The following CSMD1 variants were observed in gnomAD, a reference collection of about 807,000 sequenced individuals.
The protein encoded by CSMD1 is CUB and Sushi multiple domains 1.
In CSMD1, 213 loss-of-function variants were observed where a neutral mutation model predicts 417.5. The observed-to-expected ratio is 0.51, with a 90% CI of 0.46 to 0.57. The LOEUF (loss-of-function observed/expected upper bound fraction) is 0.57, where lower values mean the gene tolerates loss of function less well. Among genes scored for constraint, CSMD1 ranks in the 20% least tolerant of loss-of-function variants. The probability of loss-of-function intolerance (pLI) is 0.00; values close to 1 mark genes in which losing one functional copy is unlikely to be tolerated. For missense variants in CSMD1, 6,923 were observed against 4,529.7 expected, an observed-to-expected ratio of 1.53 and a Z score of -15.17; for synonymous variants, 2,862 against 1,736.8, an observed-to-expected ratio of 1.65 and a Z score of -16.11.
chr8:4,572,329 C>T (rs1042026020), intron 2 of CSMD1, among the ~76,000 whole-genome samples: 21 of 152,290 alleles, frequency 1.4e-4, no homozygotes, highest in South Asian at 4.1e-4. Context: ...CAAAATCCCC[C>T]AGAATTTGCT....
At chr8:3,532,875 G>C (rs1227880562) in intron 10 of CSMD1, among the ~76,000 whole-genome samples, 1 of 152,040 alleles carries the variant, frequency 6.6e-6, no homozygotes, top group Non-Finnish European at 1.5e-5. Context: ...TTCACACTGA[G>C]ATCTATTTTT....
intron 24 of CSMD1, 51 bp from the exon 25 acceptor site, chr8:3,307,872 T>TTCTATTTA: frequency 6.3e-7 from 1 of 1,583,242 alleles, no homozygotes. Context: ...CATCACATGT[T>TTCTATTTA]TCTATTTAGC....
chr8:4,375,373 T>C lies in CSMD1; in HGVS notation c.415+44580A>G, dbSNP rs78395945. ...ATTCACCATCCACACAGGGGCACTTTTGAGAGGAAAACAGGGCATTATATT... is the reference window on the plus strand; with the variant it reads ...ATTCACCATCCACACAGGGGCACTTCTGAGAGGAAAACAGGGCATTATATT... On this transcript the variant is annotated intron_variant, in intron 3 of 69. Transcript: ENST00000635120. Among the ~76,000 whole-genome samples, 1,242 of 152,196 alleles carry C rather than the reference T, an allele frequency of 8.2e-3. 14 individuals are homozygous for C. The highest frequency in any genetic ancestry group is 0.029 in the African/African-American group (1,185 of 41,522).
At chr8:3,504,286 C>T (rs755251358) in intron 10 of CSMD1, among the ~76,000 whole-genome samples, 1 of 152,054 alleles carries the variant, frequency 6.6e-6, no homozygotes, top group Non-Finnish European at 1.5e-5. Flanking sequence ...AGTACAATCA[C>T]ACTGACAAAA....
rs1801381856 is a variant in CSMD1 at position 3,709,624 on chromosome 8, GC to G, written c.932-1134del. ...CCCAAATAGAACAAAAGGCTGATCT[GC>G]CCCAGTAGAGGCAAGACTTCCTCCT... On this transcript the variant is annotated intron_variant, in intron 6 of 69. Transcript: ENST00000635120. Among the ~76,000 whole-genome samples the G allele has an allele frequency of 3.4e-5, 5 of 145,266 alleles. No homozygotes were observed. The South Asian group carries it at 1.1e-3, about 32-fold the overall frequency.
At chr8:4,364,570 A>G (rs1584960971) in intron 3 of CSMD1, among the ~76,000 whole-genome samples, 1 of 17,214 alleles carries the variant, frequency 5.8e-5, no homozygotes, top group Non-Finnish European at 9.4e-5. Flanking sequence ...CACGCCTGTA[A>G]TCCCAGCACT....
At chr8:3,878,164 G>A (rs772587691) in intron 5 of CSMD1, among the ~76,000 whole-genome samples, 3 of 151,996 alleles carry the variant, frequency 2.0e-5, no homozygotes, top group Admixed American at 6.6e-5. Context: ...TTTTGCACGA[G>A]AGATTCAAAT....
At chr8:3,666,631 G>A (rs888172627) in intron 7 of CSMD1, among the ~76,000 whole-genome samples, 9 of 152,160 alleles carry the variant, frequency 5.9e-5, no homozygotes, top group Non-Finnish European at 1.2e-4. Context: ...CCCAGAGGGA[G>A]ATAATTGAAT....
chr8:3,298,508 C>T (rs1804138554), intron 25 of CSMD1, among the ~76,000 whole-genome samples: 1 of 152,200 alleles, frequency 6.6e-6, no homozygotes, highest in Non-Finnish European at 1.5e-5. Flanking sequence ...GGCTGGAGTG[C>T]AATGGAATGA....
At chr8:3,293,340 T>A (rs1391606210) in intron 25 of CSMD1, among the ~76,000 whole-genome samples, 1 of 152,170 alleles carries the variant, frequency 6.6e-6, no homozygotes, top group African/African-American at 2.4e-5. Flanking sequence ...CTTTGTGGCG[T>A]TCTCTGGATT....
chr8:3,837,686 A>C (rs1221474700), intron 5 of CSMD1, among the ~76,000 whole-genome samples: 1 of 152,166 alleles, frequency 6.6e-6, no homozygotes, highest in Non-Finnish European at 1.5e-5. Flanking sequence ...TCTGCTCTTG[A>C]GTAGGAAGAG....
chr8:4,614,026 C>T (rs1010133125), intron 2 of CSMD1, among the ~76,000 whole-genome samples: 17 of 152,138 alleles, frequency 1.1e-4, no homozygotes, highest in African/African-American at 3.9e-4. Flanking sequence ...GACAAACACC[C>T]TGAAATACCA....
intron 3 of CSMD1, among the ~76,000 whole-genome samples, chr8:4,383,066 T>C (rs1803208663): frequency 6.6e-6 from 1 of 152,164 alleles, no homozygotes; most frequent in Non-Finnish European, 1.5e-5. Flanking sequence ...TCGGGAGTAA[T>C]AGCTGCTCCA....
intron 1 of CSMD1, among the ~76,000 whole-genome samples, chr8:4,791,130 A>C (rs1432164004): frequency 6.6e-6 from 1 of 152,130 alleles, no homozygotes; most frequent in East Asian, 1.9e-4. Context: ...GGGAGGGAGA[A>C]ACTTTTAAGT....
chr8:3,884,932 C>CATATAT (rs148153076), intron 5 of CSMD1, among the ~76,000 whole-genome samples: 28 of 96,844 alleles, frequency 2.9e-4, no homozygotes, highest in African/African-American at 1.2e-3. Context: ...TATATATATT[C>CATATAT]ATATATATAT....
intron 1 of CSMD1, among the ~76,000 whole-genome samples, chr8:4,679,327 C>G (rs1250647122): frequency 6.6e-6 from 1 of 152,028 alleles, no homozygotes; most frequent in Non-Finnish European, 1.5e-5. Flanking sequence ...CACCTTCTGC[C>G]CATTTTTGAT....
Position 3,324,216 on chromosome 8 carries a change from C to G in CSMD1, c.3632-15713G>C, listed in dbSNP as rs552716537. Among the ~76,000 whole-genome samples, 9 of 104,598 alleles carry G rather than the reference C, an allele frequency of 8.6e-5. 1 individual carries two copies. The highest frequency in any genetic ancestry group is 4.3e-4 in the African/African-American group (9 of 21,166). The allele number at this position is 104,598 out of a possible 152,430, so 68.6% of individuals were successfully genotyped here. On this transcript the variant is annotated intron_variant, in intron 23 of 69. Coordinates refer to ENST00000635120, the MANE Select transcript of CSMD1 (RefSeq NM_033225.6). The stretch of plus-strand genomic sequence containing the variant: ...ATTGTTGTTAAAATAGACACACACC[C>G]AACCCCAGAGACCCGGGAGGGGGAG...
intron 5 of CSMD1, among the ~76,000 whole-genome samples, chr8:3,919,307 C>T (rs1809057518): frequency 6.6e-6 from 1 of 151,378 alleles, no homozygotes; most frequent in East Asian, 1.9e-4. Context: ...AGTCCTTCAT[C>T]AATTTTGTGT....
chr8:4,421,982 G>C (rs965093875), intron 2 of CSMD1, among the ~76,000 whole-genome samples: 3 of 151,920 alleles, frequency 2.0e-5, no homozygotes, highest in African/African-American at 7.3e-5. Flanking sequence ...TATGAACTCA[G>C]AATTCATCAT....
Sources: allele counts gnomAD v4.1 joint callset (sites outside exome capture counted in the v4.1 genomes callset), GRCh38; gene constraint gnomAD v4.1.1; transcripts MANE v1.5; gene names NCBI Gene and HGNC (gene_info 2026-07-23, HGNC 2026-07-21).